FTO: variants seen among roughly 807,000 people sequenced by gnomAD.
FTO encodes the protein FTO alpha-ketoglutarate dependent dioxygenase, also known as alpha-ketoglutarate-dependent dioxygenase FTO.
FTO carries 47 observed loss-of-function variants against 63.9 expected under a neutral mutation model. The ratio of observed to expected loss-of-function variants is 0.74; its 90% CI spans 0.58 to 0.94. The LOEUF (loss-of-function observed/expected upper bound fraction) is 0.94. FTO is among the 40% of genes least tolerant of loss of function. The probability of loss-of-function intolerance (pLI) is 0.00; values close to 1 mark genes in which losing one functional copy is unlikely to be tolerated. For missense variants in FTO, 562 were observed against 618.1 expected, an observed-to-expected ratio of 0.91 and a Z score of 0.96; for synonymous variants, 207 against 224.4, an observed-to-expected ratio of 0.92 and a Z score of 0.69.
At chr16:54,053,935 T>G (rs1158486655) in intron 8 of FTO, among the ~76,000 whole-genome samples, 1 of 152,164 alleles carries the variant, frequency 6.6e-6, no homozygotes, top group African/African-American at 2.4e-5. Context: ...GGTTTCTCCT[T>G]CAGCACAAAG....
intron 1 of FTO, among the ~76,000 whole-genome samples, chr16:53,743,352 A>G (rs2076572140): frequency 1.3e-5 from 2 of 151,916 alleles, no homozygotes; most frequent in Admixed American, 1.3e-4. Flanking sequence ...CCTAAATTGG[A>G]CATAAGGAAG....
intron 8 of FTO, among the ~76,000 whole-genome samples, chr16:54,110,175 A>G (rs953021227): frequency 6.6e-6 from 1 of 152,216 alleles, no homozygotes; most frequent in Non-Finnish European, 1.5e-5. Flanking sequence ...AACACCTATG[A>G]TTAAGTAGTC....
chr16:53,960,718 G>T (rs1002454768), intron 8 of FTO, among the ~76,000 whole-genome samples: 1 of 147,094 alleles, frequency 6.8e-6, no homozygotes, highest in Non-Finnish European at 1.5e-5. Flanking sequence ...AAATGGGGGT[G>T]GGGGGGGCGC....
At chr16:54,031,985 A>G (rs1469489268) in intron 8 of FTO, among the ~76,000 whole-genome samples, 1 of 152,220 alleles carries the variant, frequency 6.6e-6, no homozygotes, top group Non-Finnish European at 1.5e-5. Flanking sequence ...TCTGGCTGAA[A>G]CAGAAAATTC....
chr16:53,824,418 A>T (rs926645382), intron 2 of FTO, among the ~76,000 whole-genome samples: 9 of 152,190 alleles, frequency 5.9e-5, no homozygotes, highest in Non-Finnish European at 1.3e-4. Flanking sequence ...TGAAGATCTC[A>T]GCTTAAATCC....
intron 1 of FTO, among the ~76,000 whole-genome samples, chr16:53,746,267 C>T (rs1210025028): frequency 1.3e-5 from 2 of 152,166 alleles, no homozygotes; most frequent in Admixed American, 1.3e-4. Flanking sequence ...CCTTTCCCTG[C>T]CACAGTGACT....
chr16:53,984,436 C>T (rs2083619613), intron 8 of FTO, among the ~76,000 whole-genome samples: 1 of 150,140 alleles, frequency 6.7e-6, no homozygotes, highest in Non-Finnish European at 1.5e-5. Flanking sequence ...GATCCTCCCA[C>T]CTCAGCCTCC....
In FTO at chr16:54,012,063, G is replaced by T. The variant is rs553164263; in HGVS notation, c.1364+77954G>T. Among the ~76,000 whole-genome samples, 6 of 152,318 alleles carry T rather than the reference G, an allele frequency of 3.9e-5. No individual in the cohort carries two copies. In the South Asian group the frequency reaches 1.0e-3, roughly 26 times the overall value. On this transcript the variant is annotated intron_variant, in intron 8 of 8. Coordinates refer to ENST00000471389, the MANE Select transcript of FTO (RefSeq NM_001080432.3). ...GAAATGATTAAGCTTAGTGAGGAAG[G>T]CATATCAAAAGCAAAGACAGTCTGA...
intron 1 of FTO, among the ~76,000 whole-genome samples, chr16:53,778,858 ATTT>A (rs71863246): frequency 0.09 from 13,004 of 144,118 alleles, 1,843 homozygotes; most frequent in African/African-American, 0.31. Context: ...GTGATTGTGG[ATTT>A]TTTTTTTTTT....
intron 8 of FTO, among the ~76,000 whole-genome samples, chr16:53,967,344 G>C (rs775956563): frequency 3.5e-4 from 53 of 152,208 alleles, no homozygotes; most frequent in Non-Finnish European, 6.8e-4. Context: ...ACGCTGGGTA[G>C]TCAGCTGGGA....
At chr16:54,070,660 A>C (rs1438493908) in intron 8 of FTO, 1 of 152,224 alleles carries the variant, frequency 6.6e-6, no homozygotes, top group African/African-American at 2.4e-5. Flanking sequence ...GCAGGCAGCC[A>C]TCTTCAAGAC....
At chr16:54,071,000 G>A (rs1436614575) in intron 8 of FTO, 1 of 152,204 alleles carries the variant, frequency 6.6e-6, no homozygotes, top group Non-Finnish European at 1.5e-5. Flanking sequence ...GTGAACAAAA[G>A]CACAGATTGT....
At chr16:54,085,402 G>A (rs76420203) in intron 8 of FTO, among the ~76,000 whole-genome samples, 2,834 of 152,232 alleles carry the variant, frequency 0.019, 100 homozygotes, top group African/African-American at 0.065. Context: ...TTATTAGCAT[G>A]GTTTACCTGT....
At chr16:53,926,257 C>T (rs1416499128) in intron 7 of FTO, among the ~76,000 whole-genome samples, 2 of 152,076 alleles carry the variant, frequency 1.3e-5, no homozygotes, top group East Asian at 1.9e-4. Context: ...ATAGTTTTTC[C>T]GACCCCGTTC....
intron 8 of FTO, among the ~76,000 whole-genome samples, chr16:54,083,810 C>G (rs558951383): frequency 5.3e-5 from 8 of 152,140 alleles, no homozygotes; most frequent in Non-Finnish European, 1.0e-4. Flanking sequence ...TGTCTGTTTG[C>G]CTTTACTAAG....
chr16:53,770,874 C>T (rs2077317514), intron 1 of FTO, among the ~76,000 whole-genome samples: 1 of 152,090 alleles, frequency 6.6e-6, no homozygotes, highest in African/African-American at 2.4e-5. Context: ...CTTCTATTCT[C>T]CTAACTCAAG....
At chr16:53,769,581 T>C (rs1190911334) in intron 1 of FTO, among the ~76,000 whole-genome samples, 5 of 152,158 alleles carry the variant, frequency 3.3e-5, no homozygotes, top group African/African-American at 1.2e-4. Context: ...ATAAAAGAGA[T>C]GAAAGTCTAA....
intron 3 of FTO, among the ~76,000 whole-genome samples, chr16:53,833,781 T>C (rs1228500764): frequency 2.6e-5 from 4 of 152,250 alleles, no homozygotes; most frequent in African/African-American, 9.6e-5. Context: ...ATAATGGGTA[T>C]GAAGTGGTAT....
intron 8 of FTO, among the ~76,000 whole-genome samples, chr16:53,945,217 G>A (rs1446007374): frequency 2.0e-5 from 3 of 152,192 alleles, no homozygotes; most frequent in Non-Finnish European, 4.4e-5. Context: ...TGTTACTCCT[G>A]ATGGGTTTCA....
Sources: gnomAD v4.1 joint callset for allele counts (sites outside exome capture counted in the v4.1 genomes callset) on GRCh38, gnomAD v4.1.1 for gene constraint, MANE v1.5 for transcripts, NCBI Gene and HGNC (gene_info 2026-07-23, HGNC 2026-07-21) for gene names.